Variants in MS4A18 observed in about 807,000 individuals in gnomAD.
The protein encoded by MS4A18 is membrane-spanning 4-domains subfamily A member 18.
In MS4A18, 27 loss-of-function variants were observed where a neutral mutation model predicts 13.1. The ratio of observed to expected loss-of-function variants is 2.06; its 90% confidence interval spans 1.52 to 2.84. The LOEUF is 2.84. Among genes scored for constraint, MS4A18 ranks in the 30% most tolerant of loss-of-function variants. MS4A18 has a pLI of 0.00. For synonymous variants in MS4A18, 126 were observed against 76.5 expected (o/e 1.65, Z -3.38); for missense variants, 307 against 196.4 (o/e 1.56, Z -3.37).
chr11:60,744,852 C>T (rs1042370917), downstream of MS4A18, among the ~76,000 whole-genome samples: 12 of 152,172 alleles, frequency 7.9e-5, no homozygotes, highest in Non-Finnish European at 1.5e-4. Context: ...ATACCAAGTG[C>T]TGGTGAAAAC....
chr11:60,740,027 G>C (rs1459304832), intron 4 of MS4A18, among the ~76,000 whole-genome samples: 1 of 152,208 alleles, frequency 6.6e-6, no homozygotes, highest in African/African-American at 2.4e-5. Context: ...GGTGTAACTT[G>C]GTATCTAGGG....
At chr11:60,728,420 G>A (rs1231262959), upstream of MS4A18, among the ~76,000 whole-genome samples, 1 of 151,718 alleles carries the variant, frequency 6.6e-6, no homozygotes, top group Non-Finnish European at 1.5e-5. Flanking sequence ...GTGTGTGTGT[G>A]TGTGTGTGTG....
chr11:60,742,744 G>A (rs892396690), intron 5 of MS4A18, among the ~76,000 whole-genome samples: 3 of 152,120 alleles, frequency 2.0e-5, no homozygotes, highest in Non-Finnish European at 2.9e-5. Context: ...ATTAAGTCCT[G>A]GGCTCTCTTC....
At chr11:60,736,953 T>G (rs1302726410) in intron 2 of MS4A18, 25 bp from the exon 4 acceptor site, 1 of 251,588 alleles carries the variant, frequency 4.0e-6, no homozygotes, top group South Asian at 4.8e-5. Flanking sequence ...TGGTCATTCT[T>G]TTTTTTTTTT....
chr11:60,729,618 A>C lies in MS4A18; in HGVS notation c.303A>C (p.Thr101=), dbSNP rs189579431. The C allele has an allele frequency of 7.1e-6, 5 of 702,776 alleles. 1 individual carries two copies. In the South Asian group the frequency reaches 7.4e-5, roughly 10 times the overall value. 43.5% of individuals were successfully genotyped at this position (702,776 alleles called of 1,614,324 possible). A position where few individuals can be genotyped will look rare whatever the true frequency, so the allele number is the denominator to read the frequency against. ...CGGTGCCTGGAGTGATCCAATACAC[A>C]CAGGGAACCACGAATCTCCAGACAT... Residue 101 remains threonine, a synonymous_variant, in exon 1 of 6, where the codon ACA becomes ACC. Transcript: ENST00000529108.
At chr11:60,734,760 A>G (rs1853309958) in intron 2 of MS4A18, among the ~76,000 whole-genome samples, 1 of 151,090 alleles carries the variant, frequency 6.6e-6, no homozygotes, top group Non-Finnish European at 1.5e-5. Flanking sequence ...GCACAACAAT[A>G]TGAATTTTCT....
chr11:60,739,002 G>A lies in MS4A18; in HGVS notation c.744+5G>A, dbSNP rs775443688. On this transcript the variant is annotated splice_donor_5th_base_variant and intron_variant, in intron 4 of 5. Transcript: ENST00000529108. ...CTGAGCCTTTACTATGTGACGGTGA[G>A]CATCTGACTGCCAGGGCCCCGTGCT... 1.6e-4 allele frequency: 113 copies of A among 702,952 alleles called. No individual in the cohort carries two copies. The highest frequency in any genetic ancestry group is 1.4e-3 in the South Asian group (97 of 67,562). The allele number at this position is 702,952 out of a possible 1,614,324, so 43.5% of individuals were successfully genotyped here. A position where few individuals can be genotyped will look rare whatever the true frequency, so the allele number is the denominator to read the frequency against.
chr11:60,738,266 G>A (rs770674649), intron 3 of MS4A18, among the ~76,000 whole-genome samples: 3 of 152,094 alleles, frequency 2.0e-5, no homozygotes, highest in Admixed American at 6.5e-5. Context: ...AGCACTGAGC[G>A]GCAGACCCCT....
At position 60,729,731 on chromosome 11, in the gene MS4A18, C is replaced by G. The variant is rs920705917; in HGVS notation, c.416C>G (p.Ser139Ter). 4.3e-6 allele frequency: 3 copies of G among 702,696 alleles called. No individual in the cohort carries two copies. In the African/African-American group the frequency reaches 5.2e-5, roughly 12 times the overall value. The allele number at this position is 702,696 out of a possible 1,614,324, so 43.5% of individuals were successfully genotyped here. A position where few individuals can be genotyped will look rare whatever the true frequency, so the allele number is the denominator to read the frequency against. The change falls in exon 1 of 6, where the codon TCA becomes TGA. Residue 139 changes from serine to a stop codon, truncating the protein, a stop_gained. Coordinates refer to ENST00000529108, the Ensembl canonical transcript of MS4A18. LOFTEE classifies it high-confidence loss of function. The stretch of plus-strand genomic sequence containing the variant: ...TCCCAGTGGAACACGTCATTTGCAT[C>G]ATTTACTTCATTTAATCCCAAGAAA...
intron 5 of MS4A18, among the ~76,000 whole-genome samples, chr11:60,742,991 C>T (rs2134683078): frequency 6.6e-6 from 1 of 152,330 alleles, no homozygotes. Flanking sequence ...TGGCAGTTTC[C>T]TCTCCCCTTT....
upstream of MS4A18, among the ~76,000 whole-genome samples, chr11:60,725,430 G>A (rs1296865589): frequency 3.3e-5 from 5 of 151,998 alleles, no homozygotes; most frequent in Non-Finnish European, 5.9e-5. Flanking sequence ...TCCTGACCTC[G>A]TGATCTGCCC....
chr11:60,735,199 T>G (rs1226887377), intron 2 of MS4A18, among the ~76,000 whole-genome samples: 2 of 152,224 alleles, frequency 1.3e-5, no homozygotes, highest in Non-Finnish European at 2.9e-5. Flanking sequence ...ATTAAAGTTT[T>G]AAAAAATGAA....
At chr11:60,743,791 C>G (rs1484585585) in exon 6 of MS4A18, 1 of 700,502 alleles carries the variant, frequency 1.4e-6, no homozygotes, top group South Asian at 1.5e-5. Flanking sequence ...TACCATTCAC[C>G]CTGTCAACAC....
At chr11:60,725,625 A>G (rs980314890), upstream of MS4A18, among the ~76,000 whole-genome samples, 6 of 152,204 alleles carry the variant, frequency 3.9e-5, no homozygotes, top group African/African-American at 9.6e-5. Flanking sequence ...GTCCTCTGAA[A>G]AAAAGGAAGA....
chr11:60,732,653 C>A (rs1462130297), intron 1 of MS4A18, among the ~76,000 whole-genome samples: 2 of 150,586 alleles, frequency 1.3e-5, no homozygotes, highest in Non-Finnish European at 2.9e-5. Context: ...ATCACGTGAA[C>A]CTGGGAGGCA....
upstream of MS4A18, among the ~76,000 whole-genome samples, chr11:60,726,396 A>G (rs1362484223): frequency 6.6e-6 from 1 of 152,256 alleles, no homozygotes; most frequent in African/African-American, 2.4e-5. Context: ...GTTGGGATCC[A>G]AGGAAAAAGA....
At position 60,735,855 on chromosome 11, in the gene MS4A18, G is replaced by C. The variant is rs539213948; in HGVS notation, c.592-1123G>C. Among the ~76,000 whole-genome samples the C allele has an allele frequency of 2.7e-5, 4 of 149,476 alleles. 1 individual carries two copies. The highest frequency in any genetic ancestry group is 9.9e-5 in the African/African-American group (4 of 40,488). On this transcript the variant is annotated intron_variant, in intron 2 of 5. Transcript: ENST00000529108. ...ATTTTTGTATTTTCAGTAGAGACAG[G>C]GTTTCACCATGTTAGCCAGGCTGGT...
At chr11:60,732,782 C>T (rs1408499104) in intron 1 of MS4A18, among the ~76,000 whole-genome samples, 1 of 150,792 alleles carries the variant, frequency 6.6e-6, no homozygotes, top group Non-Finnish European at 1.5e-5. Context: ...AGGAACTGGG[C>T]TACAAGTTTC....
chr11:60,734,174 T>C (rs1249038048), intron 2 of MS4A18, among the ~76,000 whole-genome samples: 2 of 152,120 alleles, frequency 1.3e-5, no homozygotes, highest in Non-Finnish European at 1.5e-5. Flanking sequence ...AAGGATCACC[T>C]GAGCCCAGGA....
Sources: allele counts gnomAD v4.1 joint callset (sites outside exome capture counted in the v4.1 genomes callset), GRCh38; gene constraint gnomAD v4.1.1; transcripts MANE v1.5; gene names NCBI Gene and HGNC (gene_info 2026-07-23, HGNC 2026-07-21).